The following TLE1 variants were observed in gnomAD, a reference collection of about 807,000 sequenced individuals.
TLE1 encodes the protein transducin-like enhancer protein 1.
Under a neutral mutation model 89.8 loss-of-function variants are expected in TLE1, and 21 were observed. That is an observed-to-expected ratio of 0.23 (90% CI 0.17 to 0.34). TLE1 has a LOEUF of 0.34. Among genes scored for constraint, TLE1 ranks in the 10% least tolerant of loss-of-function variants. The probability of loss-of-function intolerance (pLI) is 1.00; values close to 1 mark genes in which losing one functional copy is unlikely to be tolerated. For missense variants in TLE1, 795 were observed against 1,031.2 expected, an observed-to-expected ratio of 0.77 and a Z score of 3.14; for synonymous variants, 447 against 407.6, an observed-to-expected ratio of 1.10 and a Z score of -1.16.
intron 14 of TLE1, chr9:81,599,939 A>G (rs1423619685): frequency 3.8e-6 from 2 of 523,262 alleles, no homozygotes; most frequent in African/African-American, 3.8e-5. Flanking sequence ...ACTTCTTAAA[A>G]TGGATATGTA....
rs534825379 is a variant in TLE1, at chr9:81,583,926, C to T, written c.*272G>A. On this transcript the variant is annotated 3_prime_UTR_variant, in exon 20 of 20. Coordinates refer to ENST00000376499, the MANE Select transcript of TLE1 (RefSeq NM_005077.5). ...CACCCAGAAAGAAAGAATGGGCTGT[C>T]ATGTGAGTCGGCAGATTCCGTTCCT... 5 of 414,810 alleles carry T rather than the reference C, an allele frequency of 1.2e-5. No individual in the cohort carries two copies. The South Asian group carries it at 1.7e-4, about 14-fold the overall frequency. The allele number at this position is 414,810 out of a possible 1,614,324, so 25.7% of individuals were successfully genotyped here.
chr9:81,587,264 C>T (rs959225850), intron 17 of TLE1, among the ~76,000 whole-genome samples: 8 of 152,186 alleles, frequency 5.3e-5, no homozygotes, highest in African/African-American at 1.9e-4. Flanking sequence ...TGTGACTTTT[C>T]TCTACTCTTA....
chr9:81,635,222 T>A (rs1827220816), intron 6 of TLE1, among the ~76,000 whole-genome samples: 1 of 152,220 alleles, frequency 6.6e-6, no homozygotes, highest in African/African-American at 2.4e-5. Flanking sequence ...CTTTCCTTCC[T>A]ACCAAGCTCC....
chr9:81,620,955 T>C (rs750473416), intron 8 of TLE1: 3 of 508,070 alleles, frequency 5.9e-6, no homozygotes, highest in East Asian at 5.5e-5. Context: ...ATTCTTTAAC[T>C]GTAAGAGTCA....
intron 8 of TLE1, among the ~76,000 whole-genome samples, chr9:81,631,519 C>CA (rs1826602858): frequency 1.3e-5 from 2 of 152,270 alleles, no homozygotes; most frequent in African/African-American, 2.4e-5. Flanking sequence ...GTCACTCACT[C>CA]CTCCTCGATT....
chr9:81,628,360 A>G (rs1826154581), intron 8 of TLE1, among the ~76,000 whole-genome samples: 2 of 152,296 alleles, frequency 1.3e-5, no homozygotes, highest in South Asian at 4.1e-4. Context: ...CCTTTGTACA[A>G]AACTCATGTT....
chr9:81,683,534 T>C (rs761572604), intron 4 of TLE1, among the ~76,000 whole-genome samples: 1 of 152,182 alleles, frequency 6.6e-6, no homozygotes, highest in Non-Finnish European at 1.5e-5. Flanking sequence ...TTATGATTAC[T>C]AGCTGCACCA....
At chr9:81,647,785 T>C (rs550714493) in intron 6 of TLE1, among the ~76,000 whole-genome samples, 2 of 152,280 alleles carry the variant, frequency 1.3e-5, no homozygotes, top group East Asian at 3.9e-4. Flanking sequence ...CCTCCCCAAG[T>C]CCATCTGATC....
intron 4 of TLE1, among the ~76,000 whole-genome samples, chr9:81,676,654 G>A (rs1425675276): frequency 6.6e-6 from 1 of 152,220 alleles, no homozygotes; most frequent in Admixed American, 6.5e-5. Flanking sequence ...GGACAAAGAG[G>A]TCATCACAGG....
At chr9:81,603,655 C>T (rs1831246628) in intron 14 of TLE1, among the ~76,000 whole-genome samples, 1 of 152,184 alleles carries the variant, frequency 6.6e-6, no homozygotes, top group African/African-American at 2.4e-5. Context: ...CTGCCTCCAG[C>T]CCAAAACTCT....
intron 4 of TLE1, among the ~76,000 whole-genome samples, chr9:81,658,624 T>G (rs1229876683): frequency 6.6e-6 from 1 of 152,160 alleles, no homozygotes; most frequent in Non-Finnish European, 1.5e-5. Flanking sequence ...GCTGACGTCC[T>G]CTGAAATACC....
At chr9:81,646,599 C>T (rs567883165) in intron 6 of TLE1, among the ~76,000 whole-genome samples, 4 of 152,330 alleles carry the variant, frequency 2.6e-5, no homozygotes, top group African/African-American at 9.6e-5. Context: ...AAACTTCACA[C>T]ACTACAATCC....
chr9:81,661,181 T>C (rs1830744285), intron 4 of TLE1, among the ~76,000 whole-genome samples: 1 of 117,736 alleles, frequency 8.5e-6, no homozygotes, highest in Admixed American at 1.1e-4. Context: ...TTTATATATA[T>C]GTATTTTTAT....
chr9:81,625,101 G>T (rs537434349), intron 8 of TLE1, among the ~76,000 whole-genome samples: 1 of 152,104 alleles, frequency 6.6e-6, no homozygotes, highest in Non-Finnish European at 1.5e-5. Flanking sequence ...CTTTTATATA[G>T]AAAGTACTTG....
At chr9:81,673,117 AC>A (rs1224724461) in intron 4 of TLE1, among the ~76,000 whole-genome samples, 2 of 151,920 alleles carry the variant, frequency 1.3e-5, no homozygotes, top group Non-Finnish European at 2.9e-5. Flanking sequence ...TACTAAAAAT[AC>A]AAAAATCAGC....
intron 16 of TLE1, among the ~76,000 whole-genome samples, chr9:81,589,775 A>AAGTAACT: frequency 6.6e-6 from 1 of 152,334 alleles, no homozygotes; most frequent in Non-Finnish European, 1.5e-5. Flanking sequence ...AGAAAAAAAC[A>AAGTAACT]AGTAACTTTT....
intron 6 of TLE1, among the ~76,000 whole-genome samples, chr9:81,649,930 T>C (rs1262092193): frequency 2.0e-5 from 3 of 152,216 alleles, no homozygotes; most frequent in Admixed American, 2.0e-4. Context: ...GGATAATTAT[T>C]GATCACCACA....
At chr9:81,611,689 G>A in intron 13 of TLE1, 80 bp downstream of exon 13, 1 of 1,323,290 alleles carries the variant, frequency 7.6e-7, no homozygotes, top group Non-Finnish European at 9.7e-7. Flanking sequence ...GCGCAGAGAG[G>A]CCTGGCCCCA....
chr9:81,590,906 G>A lies in TLE1; in HGVS notation c.1728C>T (p.Ala576=), dbSNP rs928338058. 6.2e-6 allele frequency: 10 copies of A among 1,614,168 alleles called. No individual in the cohort carries two copies. In the African/African-American group the frequency reaches 1.1e-4, roughly 17 times the overall value. The change falls in exon 16 of 20, where the codon GCC becomes GCT. Residue 576 remains alanine (A), a synonymous_variant. Transcript: ENST00000376499. The part of the protein sequence containing the change: ...IKAELTSSAP[A]CYALAISPDS... ...CGGGGCTGATGGCCAGGGCGTAGCAGGCGGGGGCCGAGGACGTCAGCTCCG... is the reference window on the plus strand; with the variant it reads ...CGGGGCTGATGGCCAGGGCGTAGCAAGCGGGGGCCGAGGACGTCAGCTCCG...
Sources: allele counts gnomAD v4.1 joint callset (sites outside exome capture counted in the v4.1 genomes callset), GRCh38; gene constraint gnomAD v4.1.1; transcripts MANE v1.5; gene names NCBI Gene and HGNC (gene_info 2026-07-23, HGNC 2026-07-21).